The following SCHIP1 variants were observed in gnomAD, a reference collection of about 807,000 sequenced individuals.
SCHIP1 encodes schwannomin interacting protein 1, also known as schwannomin-interacting protein 1.
In SCHIP1, 8 loss-of-function variants were observed where a neutral mutation model predicts 29.7. The ratio of observed to expected loss-of-function variants is 0.27; its 90% CI spans 0.16 to 0.49. The LOEUF (loss-of-function observed/expected upper bound fraction) is 0.49, where lower values mean the gene tolerates loss of function less well. Among genes scored for constraint, SCHIP1 ranks in the 20% least tolerant of loss-of-function variants. The pLI is 0.99. For synonymous variants in SCHIP1, 76 were observed against 94.9 expected (o/e 0.80, Z 1.16); for missense variants, 193 against 294.6 (o/e 0.66, Z 2.52).
chr3:159,655,395 A>G, the SCHIP1 span, among the ~76,000 whole-genome samples: 2 of 151,822 alleles, frequency 1.3e-5, no homozygotes, highest in African/African-American at 2.4e-5. Context: ...GATGATGATG[A>G]TGATGGTGAT....
the SCHIP1 span, among the ~76,000 whole-genome samples, chr3:159,562,621 G>A: frequency 0.014 from 2,122 of 152,246 alleles, 53 homozygotes; most frequent in African/African-American, 0.048. Flanking sequence ...TGTATCCCAA[G>A]CTACAAGAGT....
chr3:159,394,565 GA>G, the SCHIP1 span, among the ~76,000 whole-genome samples: 1 of 152,146 alleles, frequency 6.6e-6, no homozygotes, highest in Non-Finnish European at 1.5e-5. Flanking sequence ...TGCATCTATT[GA>G]AATAATCATG....
chr3:159,311,879 A>G, the SCHIP1 span, among the ~76,000 whole-genome samples: 1 of 152,198 alleles, frequency 6.6e-6, no homozygotes, highest in East Asian at 1.9e-4. Context: ...GAGTGACCAT[A>G]TAATTTATCT....
chr3:159,409,856 C>G, the SCHIP1 span, among the ~76,000 whole-genome samples: 2 of 152,110 alleles, frequency 1.3e-5, no homozygotes, highest in Non-Finnish European at 2.9e-5. Context: ...GGAGGAATCA[C>G]ATTACTTGAC....
At chr3:159,527,992 A>G in the SCHIP1 span, among the ~76,000 whole-genome samples, 1 of 152,232 alleles carries the variant, frequency 6.6e-6, no homozygotes, top group Non-Finnish European at 1.5e-5. Context: ...ATAATTGTTC[A>G]TCCAAAAAAA....
chr3:159,439,974 C>T, the SCHIP1 span, among the ~76,000 whole-genome samples: 1 of 152,052 alleles, frequency 6.6e-6, no homozygotes. Flanking sequence ...GAAATCTTTG[C>T]CCATGCCTAT....
At chr3:159,474,072 C>A in the SCHIP1 span, among the ~76,000 whole-genome samples, 1 of 152,066 alleles carries the variant, frequency 6.6e-6, no homozygotes, top group South Asian at 2.1e-4. Context: ...TATTTCTTAT[C>A]TTTTTATTAA....
chr3:159,318,265 T>C, the SCHIP1 span, among the ~76,000 whole-genome samples: 5 of 152,172 alleles, frequency 3.3e-5, no homozygotes, highest in African/African-American at 7.2e-5. Flanking sequence ...TTTTCACAGT[T>C]TTTGACCACT....
the SCHIP1 span, among the ~76,000 whole-genome samples, chr3:159,620,528 A>G: frequency 2.6e-5 from 4 of 152,236 alleles, no homozygotes; most frequent in Non-Finnish European, 4.4e-5. Context: ...AAGTTTGGTA[A>G]AGTAACATAG....
chr3:159,824,842 C>G, the SCHIP1 span, among the ~76,000 whole-genome samples: 1 of 152,186 alleles, frequency 6.6e-6, no homozygotes, highest in Admixed American at 6.5e-5. Context: ...TTTTAACTGT[C>G]ATTTGTATTT....
At chr3:159,687,262 C>T in the SCHIP1 span, among the ~76,000 whole-genome samples, 2 of 151,778 alleles carry the variant, frequency 1.3e-5, no homozygotes, top group African/African-American at 4.8e-5. Context: ...TTTCACAATC[C>T]CACTCCTCTC....
chr3:159,636,564 T>C, the SCHIP1 span, among the ~76,000 whole-genome samples: 1 of 152,224 alleles, frequency 6.6e-6, no homozygotes, highest in Non-Finnish European at 1.5e-5. Flanking sequence ...GAATGTGATT[T>C]TTATCTAGGT....
the SCHIP1 span, among the ~76,000 whole-genome samples, chr3:159,745,315 G>A: frequency 2.6e-5 from 4 of 152,158 alleles, no homozygotes; most frequent in Middle Eastern, 3.2e-3. Context: ...TCAAGGAGCC[G>A]GGTGTTTAAT....
chr3:159,714,909 A>G, the SCHIP1 span, among the ~76,000 whole-genome samples: 1 of 152,334 alleles, frequency 6.6e-6, no homozygotes, highest in East Asian at 1.9e-4. Flanking sequence ...TTCTCCCATC[A>G]TGCAGTTTGA....
the SCHIP1 span, among the ~76,000 whole-genome samples, chr3:159,394,615 A>G: frequency 1.8e-4 from 28 of 152,056 alleles, no homozygotes; most frequent in African/African-American, 2.6e-4. Flanking sequence ...GCTGGATTAC[A>G]TTTATTGATT....
chr3:159,881,821 G>A (rs1716465092), intron 2 of SCHIP1, among the ~76,000 whole-genome samples: 3 of 152,206 alleles, frequency 2.0e-5, no homozygotes, highest in Non-Finnish European at 4.4e-5. Context: ...GGTCAGCTGG[G>A]TGGTTCTGTT....
At chr3:159,399,473 G>A in the SCHIP1 span, among the ~76,000 whole-genome samples, 9 of 152,230 alleles carry the variant, frequency 5.9e-5, 1 homozygote, top group South Asian at 1.9e-3. Context: ...GGGACACAAT[G>A]AGTTCTCAAT....
At chr3:159,481,624 TG>T in the SCHIP1 span, among the ~76,000 whole-genome samples, 2 of 152,176 alleles carry the variant, frequency 1.3e-5, no homozygotes, top group African/African-American at 2.4e-5. Context: ...AAGTGAGTTC[TG>T]AGAGGTAGGA....
chr3:159,278,150 A>T, the SCHIP1 span, among the ~76,000 whole-genome samples: 1 of 152,190 alleles, frequency 6.6e-6, no homozygotes, highest in African/African-American at 2.4e-5. Flanking sequence ...TTTAAAAAAG[A>T]AAGCAATAAT....
Sources: gnomAD v4.1 joint callset for allele counts (sites outside exome capture counted in the v4.1 genomes callset) on GRCh38, gnomAD v4.1.1 for gene constraint, MANE v1.5 for transcripts, NCBI Gene and HGNC (gene_info 2026-07-23, HGNC 2026-07-21) for gene names.